The following ARHGEF28 variants were observed in gnomAD, a reference collection of about 807,000 sequenced individuals.
The protein encoded by ARHGEF28 is 190 kDa guanine nucleotide exchange factor.
A neutral mutation model predicts 206.6 loss-of-function variants in ARHGEF28; 152 were observed. The observed-to-expected ratio is 0.74, with a 90% CI of 0.64 to 0.84. The LOEUF (loss-of-function observed/expected upper bound fraction) is 0.84, where lower values mean the gene tolerates loss of function less well. Ranked by LOEUF, ARHGEF28 falls within the 40% of genes least tolerant of loss-of-function variation. ARHGEF28 has a pLI of 0.00. For missense variants in ARHGEF28, 2,028 were observed against 2,073.2 expected, an observed-to-expected ratio of 0.98 and a Z score of 0.42; for synonymous variants, 763 against 776.4, an observed-to-expected ratio of 0.98 and a Z score of 0.29.
In ARHGEF28 at chr5:73,753,139, C is replaced by T. The variant is rs1752110386; in HGVS notation, c.412C>T (p.Leu138=). 2 of 1,573,502 alleles carry T rather than the reference C, an allele frequency of 1.3e-6. No individual in the cohort carries two copies. Among genetic ancestry groups the T allele is most frequent in the African/African-American group, 1.3e-5 (1 of 74,324 alleles). The change falls in exon 4 of 36, where the codon CTG becomes TTG. Residue 138 remains leucine (L), a synonymous_variant. Coordinates refer to ENST00000513042, the MANE Select transcript of ARHGEF28 (RefSeq NM_001177693.2). ...GCCTGCCTTGGATGAGGAGCTCGTG[C>T]TGGCTCTGACCCATCTGGAATTGCC... ...ALPALDEELV[L]ALTHLELPLE...
intron 22 of ARHGEF28, among the ~76,000 whole-genome samples, chr5:73,873,959 A>G (rs534230611): frequency 1.1e-4 from 17 of 152,304 alleles, no homozygotes; most frequent in Non-Finnish European, 2.4e-4. Flanking sequence ...ACTGTTTTCC[A>G]GAGTGGTTGT....
At chr5:73,830,641 G>A (rs1342071653) in intron 9 of ARHGEF28, among the ~76,000 whole-genome samples, 1 of 151,984 alleles carries the variant, frequency 6.6e-6, no homozygotes, top group Non-Finnish European at 1.5e-5. Context: ...ACACTTCAGT[G>A]TTCTGTGTGG....
At chr5:73,653,109 A>G (rs138525341) in intron 1 of ARHGEF28, among the ~76,000 whole-genome samples, 306 of 152,298 alleles carry the variant, frequency 2.0e-3, no homozygotes, top group African/African-American at 6.9e-3. Context: ...GAGGTTAAAC[A>G]ACTTGCCCAG....
intron 20 of ARHGEF28, 75 bp from the exon 21 acceptor site, chr5:73,869,994 C>T: frequency 6.6e-7 from 1 of 1,509,752 alleles, no homozygotes; most frequent in Non-Finnish European, 9.0e-7. Context: ...GTGAGGAATC[C>T]ATAGACAAAT....
At chr5:73,907,362 C>T (rs1038238821) in intron 33 of ARHGEF28, among the ~76,000 whole-genome samples, 3 of 152,262 alleles carry the variant, frequency 2.0e-5, no homozygotes, top group Middle Eastern at 3.4e-3. Context: ...ACCTGAATGA[C>T]CTAATTTTTG....
chr5:73,802,370 C>T (rs1381210606), intron 9 of ARHGEF28, among the ~76,000 whole-genome samples: 1 of 152,078 alleles, frequency 6.6e-6, no homozygotes, highest in African/African-American at 2.4e-5. Context: ...TATGAGGATG[C>T]CTGATGCTTG....
In ARHGEF28 at chr5:73,813,653, G is replaced by T. The variant is rs759815130; in HGVS notation, c.1024+18262G>T. ...CCTTCCTTTCCCAAAATGAAGATTC[G>T]AAGAAGGACGTCCAAACAAGGTAGA... is the stretch of plus-strand genomic sequence containing the variant. On this transcript the variant is annotated intron_variant, in intron 9 of 35. Coordinates refer to ENST00000513042, the MANE Select transcript of ARHGEF28 (RefSeq NM_001177693.2). 7 of 1,535,558 alleles carry T rather than the reference G, an allele frequency of 4.6e-6. No individual in the cohort carries two copies. The African/African-American group carries it at 9.6e-5, about 21-fold the overall frequency.
intron 2 of ARHGEF28, among the ~76,000 whole-genome samples, chr5:73,736,793 G>C (rs544701734): frequency 7.0e-6 from 1 of 141,946 alleles, no homozygotes; most frequent in Non-Finnish European, 1.6e-5. Context: ...ACCTGCCATG[G>C]TAAGGTTTGT....
At chr5:73,845,985 T>TC (rs1758314917) in intron 11 of ARHGEF28, among the ~76,000 whole-genome samples, 2 of 12,538 alleles carry the variant, frequency 1.6e-4, no homozygotes, top group Middle Eastern at 0.045. Flanking sequence ...CAAAACTGTC[T>TC]CAAAAAAAAA....
At chr5:73,777,717 A>G (rs962093503) in intron 6 of ARHGEF28, among the ~76,000 whole-genome samples, 1 of 152,142 alleles carries the variant, frequency 6.6e-6, no homozygotes, top group African/African-American at 2.4e-5. Context: ...TTTCTGACAT[A>G]CAGCATCACA....
chr5:73,848,168 T>G (rs1052257823), intron 12 of ARHGEF28, among the ~76,000 whole-genome samples: 1 of 152,198 alleles, frequency 6.6e-6, no homozygotes, highest in African/African-American at 2.4e-5. Context: ...AGAAGTTGGG[T>G]ACTATAAATG....
intron 21 of ARHGEF28, among the ~76,000 whole-genome samples, chr5:73,872,350 T>C (rs1046544498): frequency 5.3e-5 from 8 of 152,172 alleles, no homozygotes; most frequent in African/African-American, 1.9e-4. Context: ...ATTTATATTG[T>C]TGAGTTATAA....
intron 1 of ARHGEF28, among the ~76,000 whole-genome samples, chr5:73,681,367 A>G (rs898272760): frequency 3.3e-5 from 5 of 152,278 alleles, no homozygotes; most frequent in Admixed American, 6.5e-5. Context: ...CAACTTGTTA[A>G]TGTTCTTGGG....
chr5:73,759,924 A>G (rs937848436), intron 4 of ARHGEF28, among the ~76,000 whole-genome samples: 3 of 152,228 alleles, frequency 2.0e-5, no homozygotes, highest in African/African-American at 7.2e-5. Context: ...CTTTCTTTGA[A>G]TACAGAAAAG....
At chr5:73,785,082 G>A (rs921163434) in intron 7 of ARHGEF28, among the ~76,000 whole-genome samples, 2 of 152,198 alleles carry the variant, frequency 1.3e-5, no homozygotes, top group South Asian at 2.1e-4. Context: ...TTAAAAAAAT[G>A]TAGGAATTAT....
At position 73,908,647 on chromosome 5, in the gene ARHGEF28, T is replaced by G. The variant is rs185148661; in HGVS notation, c.4162-765T>G. 539 of 152,330 alleles carry G rather than the reference T, an allele frequency of 3.5e-3. 4 individuals are homozygous for G. The highest frequency in any genetic ancestry group is 0.012 in the African/African-American group (519 of 41,576). The allele number at this position is 152,330 out of a possible 1,614,324, so 9.4% of individuals were successfully genotyped here. A position where few individuals can be genotyped will look rare whatever the true frequency, so the allele number is the denominator to read the frequency against. ...GGCAGATACCGTAACTCAAAATGTT[T>G]TTTTAATCTGGTTGGTAATGTCCTC... On this transcript the variant is annotated intron_variant, in intron 33 of 35. Coordinates refer to ENST00000513042, the MANE Select transcript of ARHGEF28 (RefSeq NM_001177693.2).
intron 1 of ARHGEF28, among the ~76,000 whole-genome samples, chr5:73,644,739 A>C (rs901089760): frequency 4.6e-5 from 7 of 152,200 alleles, no homozygotes; most frequent in Non-Finnish European, 8.8e-5. Context: ...GTTGCTAGTC[A>C]TTAGAACCAC....
intron 4 of ARHGEF28, among the ~76,000 whole-genome samples, chr5:73,768,785 GGGAAGAAT>G (rs1397152441): frequency 1.3e-5 from 2 of 152,032 alleles, no homozygotes; most frequent in Admixed American, 1.3e-4. Context: ...GAGGGGCCAG[GGGAAGAAT>G]GATATGATTT....
chr5:73,791,082 G>C (rs780786911), intron 7 of ARHGEF28, among the ~76,000 whole-genome samples: 1 of 152,188 alleles, frequency 6.6e-6, no homozygotes, highest in Admixed American at 6.5e-5. Context: ...CTGATCCACA[G>C]CTTGTCTAAC....
Sources: allele counts gnomAD v4.1 joint callset (sites outside exome capture counted in the v4.1 genomes callset), GRCh38; gene constraint gnomAD v4.1.1; transcripts MANE v1.5; gene names NCBI Gene and HGNC (gene_info 2026-07-23, HGNC 2026-07-21).